DGKB: variants seen among roughly 807,000 people sequenced by gnomAD.
DGKB encodes diacylglycerol kinase beta, also known as 90 kDa diacylglycerol kinase.
Under a neutral mutation model 114.3 loss-of-function variants are expected in DGKB, and 67 were observed. That is an observed-to-expected ratio of 0.59 (90% CI 0.48 to 0.72). DGKB has a LOEUF of 0.72. Among genes scored for constraint, DGKB ranks in the 30% least tolerant of loss-of-function variants. The pLI is 0.00. For synonymous variants in DGKB, 398 were observed against 323.1 expected, an observed-to-expected ratio of 1.23 and a Z score of -2.49; for missense variants, 907 against 975.2, an observed-to-expected ratio of 0.93 and a Z score of 0.93.
chr7:14,622,682 A>G (rs1171967076), intron 14 of DGKB, among the ~76,000 whole-genome samples: 2 of 151,934 alleles, frequency 1.3e-5, no homozygotes, highest in Non-Finnish European at 2.9e-5. Flanking sequence ...TGTAACTATC[A>G]CCTAATGAAT....
intron 20 of DGKB, among the ~76,000 whole-genome samples, chr7:14,553,864 G>GTTT (rs1563492076): frequency 3.6e-4 from 30 of 83,134 alleles, no homozygotes; most frequent in Admixed American, 8.5e-4. Context: ...TCCTTTACAT[G>GTTT]CTTTTTTTTT....
chr7:14,787,706 G>A (rs182180506), intron 2 of DGKB, among the ~76,000 whole-genome samples: 8 of 152,330 alleles, frequency 5.3e-5, no homozygotes, highest in African/African-American at 1.7e-4. Context: ...AATGTGGGCA[G>A]GCAAGTGATT....
chr7:14,883,993 A>G (rs1054153772), intron 1 of DGKB, among the ~76,000 whole-genome samples: 17 of 151,946 alleles, frequency 1.1e-4, no homozygotes, highest in African/African-American at 3.1e-4. Context: ...ATAGAAAACA[A>G]AGTGAGCCAA....
chr7:14,603,413 A>T (rs1485032937), intron 17 of DGKB, among the ~76,000 whole-genome samples: 1 of 152,128 alleles, frequency 6.6e-6, no homozygotes, highest in East Asian at 1.9e-4. Context: ...TCTGTGTCAT[A>T]ATTTCATAAC....
intron 2 of DGKB, among the ~76,000 whole-genome samples, chr7:14,830,609 G>T (rs1846280756): frequency 6.6e-6 from 1 of 151,982 alleles, no homozygotes; most frequent in Non-Finnish European, 1.5e-5. Flanking sequence ...CCTTGATTCA[G>T]TAAGAAACTA....
At chr7:14,614,019 A>C (rs984861761) in intron 15 of DGKB, among the ~76,000 whole-genome samples, 24 of 152,272 alleles carry the variant, frequency 1.6e-4, no homozygotes, top group African/African-American at 5.8e-4. Context: ...TGCTAAGTAG[A>C]GTCCATTAAC....
intron 23 of DGKB, among the ~76,000 whole-genome samples, chr7:14,234,597 G>C (rs558384618): frequency 1.2e-4 from 19 of 152,132 alleles, no homozygotes; most frequent in Middle Eastern, 3.4e-3. Context: ...TGCAAACATA[G>C]ATTTAATAAT....
chr7:14,825,405 G>C (rs765894961), intron 2 of DGKB, among the ~76,000 whole-genome samples: 2 of 152,052 alleles, frequency 1.3e-5, no homozygotes, highest in Non-Finnish European at 2.9e-5. Context: ...GGAGCCCTAC[G>C]CTTGTTTTCC....
At chr7:14,645,125 C>A (rs758194989) in intron 13 of DGKB, among the ~76,000 whole-genome samples, 7 of 152,042 alleles carry the variant, frequency 4.6e-5, no homozygotes, top group African/African-American at 1.7e-4. Flanking sequence ...CAACCATGGA[C>A]CCATCAGCAT....
intron 23 of DGKB, among the ~76,000 whole-genome samples, chr7:14,319,273 AACTT>A (rs1174795953): frequency 2.6e-5 from 3 of 116,552 alleles, no homozygotes; most frequent in African/African-American, 1.1e-4. Flanking sequence ...TGTACCCTAA[AACTT>A]AAAGTATAAT....
chr7:14,440,112 C>T (rs980664860), intron 21 of DGKB, among the ~76,000 whole-genome samples: 7 of 152,062 alleles, frequency 4.6e-5, no homozygotes, highest in Non-Finnish European at 8.8e-5. Flanking sequence ...CTTCTACAGC[C>T]CTTCATATTT....
chr7:14,649,625 G>C (rs771827695), intron 13 of DGKB, among the ~76,000 whole-genome samples: 44 of 151,164 alleles, frequency 2.9e-4, no homozygotes, highest in Middle Eastern at 3.4e-3. Flanking sequence ...ATAATGACAG[G>C]ATCAAATTCA....
chr7:14,728,951 C>A (rs1830430308), intron 5 of DGKB, among the ~76,000 whole-genome samples: 1 of 151,954 alleles, frequency 6.6e-6, no homozygotes, highest in Non-Finnish European at 1.5e-5. Flanking sequence ...CCCCCCACCT[C>A]AGCCTCCCAA....
At chr7:14,572,210 T>C (rs988032050) in intron 20 of DGKB, among the ~76,000 whole-genome samples, 7 of 151,932 alleles carry the variant, frequency 4.6e-5, no homozygotes, top group Non-Finnish European at 1.0e-4. Context: ...TCCCAGCACT[T>C]TGGGAGGCCG....
At chr7:14,454,532 T>C (rs1832000616) in intron 21 of DGKB, among the ~76,000 whole-genome samples, 1 of 152,114 alleles carries the variant, frequency 6.6e-6, no homozygotes, top group Non-Finnish European at 1.5e-5. Flanking sequence ...TAATATGGCT[T>C]TTAAATCTAA....
Position 14,652,739 on chromosome 7 carries a change from G to T in DGKB, c.1134+20190C>A, listed in dbSNP as rs575782042. ...ACCTACAGAATGGGAGAAAATTTTC[G>T]CAATCTACTCATCTGACAAAGGGCT... On this transcript the variant is annotated intron_variant, in intron 13 of 25. Coordinates refer to ENST00000402815, the MANE Select transcript of DGKB (RefSeq NM_001350709.2). Among the ~76,000 whole-genome samples, 28 of 151,866 alleles carry T rather than the reference G, an allele frequency of 1.8e-4. No homozygotes were observed. The East Asian group carries it at 4.8e-3, about 26-fold the overall frequency.
At chr7:14,695,433 C>CTCCAGTCT (rs1823647922) in intron 8 of DGKB, among the ~76,000 whole-genome samples, 1 of 150,634 alleles carries the variant, frequency 6.6e-6, no homozygotes, top group Admixed American at 6.6e-5. Flanking sequence ...TCTAGGGACG[C>CTCCAGTCT]TCCAGTCTTC....
At chr7:14,523,882 C>T (rs1474062065) in intron 20 of DGKB, among the ~76,000 whole-genome samples, 4 of 152,086 alleles carry the variant, frequency 2.6e-5, no homozygotes, top group African/African-American at 7.2e-5. Flanking sequence ...TTTGCTAAAC[C>T]CTAGTCATCT....
At chr7:14,589,674 C>A (rs916123877) in intron 17 of DGKB, among the ~76,000 whole-genome samples, 2 of 151,852 alleles carry the variant, frequency 1.3e-5, no homozygotes, top group African/African-American at 4.8e-5. Flanking sequence ...GTCCTTTAAT[C>A]GGTTAGTGTG....
Sources: allele counts gnomAD v4.1 joint callset (sites outside exome capture counted in the v4.1 genomes callset), GRCh38; gene constraint gnomAD v4.1.1; transcripts MANE v1.5; gene names NCBI Gene and HGNC (gene_info 2026-07-23, HGNC 2026-07-21).